Variants in PGM2 observed in about 807,000 individuals in gnomAD.
PGM2 encodes phosphoglucomutase 2, also known as phosphopentomutase.
In PGM2, 57 loss-of-function variants were observed where a neutral mutation model predicts 74.6. The ratio of observed to expected loss-of-function variants is 0.76; its 90% CI spans 0.62 to 0.95. The LOEUF is 0.95. PGM2 is among the 40% of genes least tolerant of loss of function. The pLI is 0.00. For synonymous variants in PGM2, 273 were observed against 260.7 expected (o/e 1.05, Z -0.46); for missense variants, 706 against 741.9 (o/e 0.95, Z 0.56).
chr4:37,839,114 T>A lies in PGM2; in HGVS notation c.442-734T>A, dbSNP rs1243014168. ...AGAGCATTCTCCATTCCCTCAAATT[T>A]TTTTTTTTTTTTTTTTTTTTTGAGA... On this transcript the variant is annotated intron_variant, in intron 4 of 13. Transcript: ENST00000381967. Among the ~76,000 whole-genome samples, 43 of 69,100 alleles carry A rather than the reference T, an allele frequency of 6.2e-4. No homozygotes were observed. The African/African-American group carries it at 6.8e-3, about 11-fold the overall frequency. The allele number at this position is 69,100 out of a possible 152,430, so 45.3% of individuals were successfully genotyped here.
At chr4:37,860,142 AAATT>A (rs1458764796) in intron 13 of PGM2, among the ~76,000 whole-genome samples, 1 of 152,228 alleles carries the variant, frequency 6.6e-6, no homozygotes, top group Non-Finnish European at 1.5e-5. Context: ...TTTGAATAAT[AAATT>A]AGTAATCAGT....
At chr4:37,836,426 G>T (rs79429250) in intron 3 of PGM2, among the ~76,000 whole-genome samples, 4 of 152,158 alleles carry the variant, frequency 2.6e-5, no homozygotes, top group Non-Finnish European at 5.9e-5. Context: ...TCTGAATTTC[G>T]CCCGAGGAGA....
chr4:37,852,368 TC>T (rs1323849691), intron 12 of PGM2, among the ~76,000 whole-genome samples: 2 of 46,548 alleles, frequency 4.3e-5, no homozygotes, highest in Non-Finnish European at 1.3e-4. Context: ...AGTAGGGTTT[TC>T]CTGGTCCATG....
intron 13 of PGM2, among the ~76,000 whole-genome samples, chr4:37,859,495 C>T (rs1027994211): frequency 1.3e-5 from 2 of 152,156 alleles, no homozygotes; most frequent in Admixed American, 1.3e-4. Context: ...AGGTGGAATT[C>T]TTCAGGAAAA....
At chr4:37,836,082 C>T (rs1239723370) in intron 3 of PGM2, among the ~76,000 whole-genome samples, 1 of 152,250 alleles carries the variant, frequency 6.6e-6, no homozygotes, top group African/African-American at 2.4e-5. Context: ...GTCTGCTGAG[C>T]TGCGTAAATT....
intron 6 of PGM2, among the ~76,000 whole-genome samples, chr4:37,841,276 A>T (rs2152177226): frequency 6.6e-6 from 1 of 151,034 alleles, no homozygotes; most frequent in Middle Eastern, 3.4e-3. Context: ...TCTGTCTTAA[A>T]GGCTGCTGCA....
Position 37,834,677 on chromosome 4 carries a change from C to T in PGM2, c.309C>T (p.Ile103=), listed in dbSNP as rs754597790. 2.5e-6 allele frequency: 4 copies of T among 1,603,374 alleles called. No individual in the cohort carries two copies. In the African/African-American group the frequency reaches 4.0e-5, roughly 16 times the overall value. The change falls in exon 3 of 14, where the codon ATC becomes ATT. Residue 103 remains isoleucine (I), a synonymous_variant. Coordinates refer to ENST00000381967, the MANE Select transcript of PGM2 (RefSeq NM_018290.4). ...ACTTAAAGCAGAAAGGCATCGTGAT[C>T]AGTTTTGACGCCCGAGCTCATCCAT... ...FSDLKQKGIV[I]SFDARAHPSS...
At chr4:37,858,539 A>G (rs891190937) in intron 13 of PGM2, among the ~76,000 whole-genome samples, 7 of 148,866 alleles carry the variant, frequency 4.7e-5, no homozygotes, top group African/African-American at 1.5e-4. Context: ...TAGTAGAGAC[A>G]AGGTTTCATC....
rs35502897 is a variant in PGM2, at chr4:37,854,671, T to TAAA, written c.1603-927_1603-925dup. Reference sequence around the variant, plus strand: ...CCGCGCCCAGCCTGGAAGCTTTATTTAAAAAAAAAAAACAAAAAAAACTCC... The same window carrying TAAA: ...CCGCGCCCAGCCTGGAAGCTTTATTTAAAAAAAAAAAAAAACAAAAAAAACTCC... On this transcript the variant is annotated intron_variant, in intron 12 of 13. Coordinates refer to ENST00000381967, the MANE Select transcript of PGM2 (RefSeq NM_018290.4). Among the ~76,000 whole-genome samples the TAAA allele has an allele frequency of 2.3e-3, 326 of 142,352 alleles. 1 individual carries two copies. Among genetic ancestry groups the TAAA allele is most frequent in the African/African-American group, 8.1e-3 (316 of 39,144 alleles). The allele number at this position is 142,352 out of a possible 152,430, so 93.4% of individuals were successfully genotyped here.
At chr4:37,860,991 G>A (rs968658801) in intron 13 of PGM2, among the ~76,000 whole-genome samples, 2 of 152,062 alleles carry the variant, frequency 1.3e-5, no homozygotes, top group East Asian at 1.9e-4. Flanking sequence ...AAACCCACCC[G>A]GAGGCTCCCT....
chr4:37,849,611 A>G (rs979454147), intron 11 of PGM2, among the ~76,000 whole-genome samples: 3 of 151,400 alleles, frequency 2.0e-5, no homozygotes, highest in African/African-American at 7.3e-5. Context: ...GTTTCACCAT[A>G]TTGGCCAGGC....
rs772772021 is a variant in PGM2, at chr4:37,844,526, G to A, written c.882G>A (p.Pro294=). ...CTGAGTTTCCAACAGTGAAATACCC[G>A]AATCCCGAAGAGGGGAAAGGTGTCT... ...PDPEFPTVKY[P]NPEEGKGVLT... Residue 294 remains proline (P), a synonymous_variant, in exon 7 of 14, where the codon CCG becomes CCA. Transcript: ENST00000381967. 3.6e-5 allele frequency: 58 copies of A among 1,612,138 alleles called. No individual in the cohort carries two copies. The highest frequency in any genetic ancestry group is 1.2e-4 in the Admixed American group (7 of 59,748).
rs1384040484 is a variant in PGM2, at chr4:37,847,287, A to G, written c.1274A>G (p.Glu425Gly). The change falls in exon 10 of 14, where the codon GAA (glutamate) becomes GGA (glycine). Residue 425 changes from glutamate (E) to glycine (G), a missense_variant. Physicochemically the swap from Glu to Gly is moderately conservative, Grantham distance 98. Coordinates refer to ENST00000381967, the MANE Select transcript of PGM2 (RefSeq NM_018290.4). Reference sequence around the variant, plus strand: ...AAAACTGTTTTATTTGCATTTGAAGAAGCTATTGGTAAGAAGTGATCATGA... The same window carrying G: ...AAAACTGTTTTATTTGCATTTGAAGGAGCTATTGGTAAGAAGTGATCATGA... ...QGKTVLFAFE[E>G]AIGYMCCPFV... 1 of 1,609,202 alleles carries G rather than the reference A, an allele frequency of 6.2e-7. No homozygotes were observed. Among genetic ancestry groups the G allele is most frequent in the Non-Finnish European group, 8.5e-7 (1 of 1,175,696 alleles).
chr4:37,855,120 A>G (rs1045295687), intron 12 of PGM2, among the ~76,000 whole-genome samples: 3 of 152,138 alleles, frequency 2.0e-5, no homozygotes, highest in African/African-American at 7.2e-5. Context: ...TGTACAATAG[A>G]TCTCTTGAAC....
rs753586683 is a variant in PGM2 at position 37,834,675 on chromosome 4, A to T, written c.307A>T (p.Ile103Phe). 7 of 1,605,196 alleles carry T rather than the reference A, an allele frequency of 4.4e-6. No individual in the cohort carries two copies. Among genetic ancestry groups the T allele is most frequent in the Middle Eastern group, 3.3e-4 (2 of 6,050 alleles). ...TGACTTAAAGCAGAAAGGCATCGTG[A>T]TCAGTTTTGACGCCCGAGCTCATCC... is the stretch of plus-strand genomic sequence containing the variant. ...FSDLKQKGIVISFDARAHPSS... is the reference protein window; with the variant it reads ...FSDLKQKGIVFSFDARAHPSS... Residue 103 changes from isoleucine (I) to phenylalanine (F), a missense_variant, in exon 3 of 14, where the codon ATC (isoleucine) becomes TTC (phenylalanine). Physicochemically the swap from Ile to Phe is conservative, Grantham distance 21 (BLOSUM62 0). Transcript: ENST00000381967.
chr4:37,851,975 T>C (rs1418851950), intron 12 of PGM2, among the ~76,000 whole-genome samples: 2 of 148,324 alleles, frequency 1.3e-5, no homozygotes, highest in African/African-American at 4.9e-5. Context: ...GTTTTCTTTT[T>C]TTTTGGAGAC....
intron 4 of PGM2, 56 bp from the exon 5 acceptor site, chr4:37,839,792 A>C: frequency 1.1e-6 from 1 of 945,772 alleles, no homozygotes; most frequent in Non-Finnish European, 1.7e-6. Flanking sequence ...ACATTTTAAG[A>C]ATATCTGGTT....
At chr4:37,855,130 C>T (rs1019030441) in intron 12 of PGM2, among the ~76,000 whole-genome samples, 6 of 152,094 alleles carry the variant, frequency 3.9e-5, no homozygotes, top group African/African-American at 1.4e-4. Context: ...ATCTCTTGAA[C>T]TTCTCTTCTG....
chr4:37,826,794 A>G lies in PGM2; in HGVS notation c.62A>G (p.Gln21Arg). 3 of 1,548,502 alleles carry G rather than the reference A, an allele frequency of 1.9e-6. No homozygotes were observed. Among genetic ancestry groups the G allele is most frequent in the Non-Finnish European group, 2.6e-6 (3 of 1,145,558 alleles). ...EDARLDQETAQWLRWDKNSLT... is the reference protein window; with the variant it reads ...EDARLDQETARWLRWDKNSLT... ...GCCCGGCTGGACCAGGAGACCGCCC[A>G]GTGGCTGCGCTGGGACAAGGTGAGG... Residue 21 changes from glutamine (Q) to arginine (R), a missense_variant, in exon 1 of 14, where the codon CAG becomes CGG. Gln to Arg is a conservative substitution (Grantham distance 43). Coordinates refer to ENST00000381967, the MANE Select transcript of PGM2 (RefSeq NM_018290.4).
Sources: allele counts gnomAD v4.1 joint callset (sites outside exome capture counted in the v4.1 genomes callset), GRCh38; gene constraint gnomAD v4.1.1; transcripts MANE v1.5; gene names NCBI Gene and HGNC (gene_info 2026-07-23, HGNC 2026-07-21).